Variants in ANTXR2 observed in about 807,000 individuals in gnomAD.
ANTXR2 encodes the protein anthrax toxin receptor 2.
In ANTXR2, 44 loss-of-function variants were observed where a neutral mutation model predicts 73.7. That is an observed-to-expected ratio of 0.60 (90% confidence interval 0.47 to 0.77). The LOEUF (loss-of-function observed/expected upper bound fraction) is 0.77, where lower values mean the gene tolerates loss of function less well. Among genes scored for constraint, ANTXR2 ranks in the 30% least tolerant of loss-of-function variants. The pLI, the probability that ANTXR2 is intolerant of heterozygous loss-of-function variation, is 0.00. For synonymous variants in ANTXR2, 217 were observed against 205.9 expected (o/e 1.05, Z -0.46); for missense variants, 604 against 592.5 (o/e 1.02, Z -0.20).
intron 7 of ANTXR2, among the ~76,000 whole-genome samples, chr4:80,047,718 C>A (rs140345247): frequency 4.6e-4 from 70 of 151,762 alleles, no homozygotes; most frequent in African/African-American, 1.7e-3. Flanking sequence ...CCTCCTTTTG[C>A]AATTACAGTT....
chr4:80,031,202 C>T (rs1051340627), intron 10 of ANTXR2, among the ~76,000 whole-genome samples: 3 of 151,644 alleles, frequency 2.0e-5, no homozygotes, highest in African/African-American at 4.8e-5. Flanking sequence ...GCACTTTAAT[C>T]GCAATATTTA....
rs1421572910 is a variant in ANTXR2, at chr4:80,072,766, C to A, written c.-206G>T. The A allele has an allele frequency of 1.6e-6, 2 of 1,252,840 alleles. No individual in the cohort carries two copies. The highest frequency in any genetic ancestry group is 2.0e-6 in the Non-Finnish European group (2 of 990,780). 77.6% of individuals were successfully genotyped at this position (1,252,840 alleles called of 1,614,324 possible). On this transcript the variant is annotated 5_prime_UTR_variant, in exon 1 of 17. Coordinates refer to ENST00000403729, the MANE Select transcript of ANTXR2 (RefSeq NM_058172.6). ...AGAGGACAAAGGGAGTCTCCGCCAC[C>A]GCCGCAGCTGCCGCCGGAACTCTTG...
At chr4:80,023,095 T>A (rs1307394647) in intron 10 of ANTXR2, among the ~76,000 whole-genome samples, 1 of 152,204 alleles carries the variant, frequency 6.6e-6, no homozygotes, top group African/African-American at 2.4e-5. Flanking sequence ...GAAATGTATA[T>A]AGAAGCAATA....
intron 7 of ANTXR2, among the ~76,000 whole-genome samples, chr4:80,047,114 G>A (rs905391371): frequency 5.3e-5 from 8 of 151,586 alleles, no homozygotes; most frequent in African/African-American, 1.9e-4. Flanking sequence ...CATCAGTTTA[G>A]TTTAGTTTTC....
At chr4:79,934,589 T>C (rs1300641509) in intron 16 of ANTXR2, among the ~76,000 whole-genome samples, 1 of 151,920 alleles carries the variant, frequency 6.6e-6, no homozygotes, top group Admixed American at 6.6e-5. Flanking sequence ...CTTTTGACTC[T>C]TTCACCTTAT....
chr4:79,983,198 G>C (rs534657232), intron 14 of ANTXR2, among the ~76,000 whole-genome samples: 31 of 152,158 alleles, frequency 2.0e-4, no homozygotes, highest in African/African-American at 7.5e-4. Context: ...TGGGATGCAG[G>C]CCTGTTTATA....
chr4:79,980,599 T>C (rs192679093), intron 14 of ANTXR2, among the ~76,000 whole-genome samples: 1 of 152,216 alleles, frequency 6.6e-6, no homozygotes, highest in African/African-American at 2.4e-5. Context: ...GAAGGTTATA[T>C]CATTGAGGAG....
In ANTXR2 at chr4:80,008,539, C is replaced by T; in HGVS notation, c.1023G>A (p.Trp341Ter). ...LLGIGLMWWF[W>*]PLCCKVVIKD... ...TACTCACCACTTTGCAGCAAAGGGG[C>T]CAAAACCACCACATCAAACCGATCC... is the stretch of plus-strand genomic sequence containing the variant. Residue 341 changes from tryptophan to a stop codon, truncating the protein, a stop_gained, in exon 12 of 17, where the codon TGG becomes TGA. Coordinates refer to ENST00000403729, the MANE Select transcript of ANTXR2 (RefSeq NM_058172.6). LOFTEE classifies it high-confidence loss of function. 1 of 1,608,026 alleles carries T rather than the reference C, an allele frequency of 6.2e-7. No individual in the cohort carries two copies. Among genetic ancestry groups the T allele is most frequent in the East Asian group, 2.3e-5 (1 of 44,412 alleles).
intron 16 of ANTXR2, among the ~76,000 whole-genome samples, chr4:79,927,960 CA>C (rs1213220702): frequency 1.3e-5 from 2 of 152,032 alleles, no homozygotes. Context: ...GGTAGTTCCT[CA>C]AAAAATTAAA....
At chr4:80,044,014 G>T (rs1206800483) in intron 7 of ANTXR2, among the ~76,000 whole-genome samples, 1 of 151,912 alleles carries the variant, frequency 6.6e-6, no homozygotes, top group African/African-American at 2.4e-5. Flanking sequence ...AATTGGCAAG[G>T]TTTGCTGGAG....
intron 3 of ANTXR2, among the ~76,000 whole-genome samples, chr4:80,057,700 A>G (rs1380605430): frequency 8.3e-6 from 1 of 120,072 alleles, no homozygotes; most frequent in Non-Finnish European, 1.9e-5. Context: ...GTTTTACCAT[A>G]ATAAAAAAAA....
chr4:79,981,272 G>T (rs1729877835), intron 14 of ANTXR2, among the ~76,000 whole-genome samples: 1 of 152,040 alleles, frequency 6.6e-6, no homozygotes, highest in South Asian at 2.1e-4. Flanking sequence ...AATTCAAAAT[G>T]CTCTAAAACC....
intron 16 of ANTXR2, among the ~76,000 whole-genome samples, chr4:79,917,813 T>C (rs933331479): frequency 1.3e-5 from 2 of 152,018 alleles, no homozygotes; most frequent in East Asian, 1.9e-4. Context: ...TTACAAATTA[T>C]GGTACACACA....
intron 11 of ANTXR2, among the ~76,000 whole-genome samples, chr4:80,011,082 G>A (rs913899794): frequency 2.0e-5 from 3 of 152,038 alleles, no homozygotes; most frequent in African/African-American, 7.2e-5. Context: ...GGGAGGCGGA[G>A]GTTGCAGTGA....
rs888407349 is a variant in ANTXR2, at chr4:79,903,461, G to A, written c.*3968C>T. 1 of 151,966 alleles carries A rather than the reference G, an allele frequency of 6.6e-6. No homozygotes were observed. The highest frequency in any genetic ancestry group is 1.5e-5 in the Non-Finnish European group (1 of 68,002). The allele number at this position is 151,966 out of a possible 1,614,324, so 9.4% of individuals were successfully genotyped here. A position where few individuals can be genotyped will look rare whatever the true frequency, so the allele number is the denominator to read the frequency against. On this transcript the variant is annotated 3_prime_UTR_variant, in exon 17 of 17. Transcript: ENST00000403729. ...TATACAAATTTACATGTTGTACTGTGTACTTACTTATCAGCCTTTTCTTTT... is the reference window on the plus strand; with the variant it reads ...TATACAAATTTACATGTTGTACTGTATACTTACTTATCAGCCTTTTCTTTT...
intron 12 of ANTXR2, among the ~76,000 whole-genome samples, chr4:79,996,958 T>C (rs1173290927): frequency 6.6e-6 from 1 of 151,892 alleles, no homozygotes; most frequent in Non-Finnish European, 1.5e-5. Flanking sequence ...GTTTGATTCT[T>C]CTCCAATTTT....
Position 79,978,216 on chromosome 4 carries a change from T to C in ANTXR2, c.1180-42A>G, listed in dbSNP as rs114340610. 4.7e-4 allele frequency: 747 copies of C among 1,584,244 alleles called. 1 individual carries two copies. The highest frequency in any genetic ancestry group is 2.3e-4 in the Non-Finnish European group (265 of 1,161,218). On this transcript the variant is annotated intron_variant, in intron 14 of 16. Coordinates refer to ENST00000403729, the MANE Select transcript of ANTXR2 (RefSeq NM_058172.6). ...GAGTACTGTTATCAGACATAAAGTG[T>C]CCTAGAGGAACAGGCTCTTATTGAG...
At chr4:80,020,888 G>A (rs543845014) in intron 10 of ANTXR2, among the ~76,000 whole-genome samples, 22 of 152,198 alleles carry the variant, frequency 1.4e-4, no homozygotes, top group South Asian at 1.2e-3. Context: ...TAGGCTGGGC[G>A]CAGTGGCTCA....
chr4:79,905,720 G>C lies in ANTXR2; in HGVS notation c.*1709C>G, dbSNP rs879611513. On this transcript the variant is annotated 3_prime_UTR_variant, in exon 17 of 17. Transcript: ENST00000403729. ...TTTGTGTGTGTGTGTAAGGCCTCTTGGAACAGTGCCACAAACCTGGACACC... is the reference window on the plus strand; with the variant it reads ...TTTGTGTGTGTGTGTAAGGCCTCTTCGAACAGTGCCACAAACCTGGACACC... 3.3e-5 allele frequency: 5 copies of C among 152,314 alleles called. No individual in the cohort carries two copies. The highest frequency in any genetic ancestry group is 5.9e-5 in the Non-Finnish European group (4 of 68,004). The allele number at this position is 152,314 out of a possible 1,614,324, so 9.4% of individuals were successfully genotyped here.
Sources: gnomAD v4.1 joint callset for allele counts (sites outside exome capture counted in the v4.1 genomes callset) on GRCh38, gnomAD v4.1.1 for gene constraint, MANE v1.5 for transcripts, NCBI Gene and HGNC (gene_info 2026-07-23, HGNC 2026-07-21) for gene names.